Variants in ZNF678 observed in about 807,000 individuals in gnomAD.
ZNF678 encodes the protein hypothetical protein MGC42493.
Under a neutral mutation model 3.0 loss-of-function variants are expected in ZNF678, and 5 were observed. The ratio of observed to expected loss-of-function variants is 1.69; its 90% CI spans 0.88 to 3.56. The LOEUF is 3.56. ZNF678 is among the 30% of genes most tolerant of loss of function. The probability of loss-of-function intolerance (pLI) is 0.00; values close to 1 mark genes in which losing one functional copy is unlikely to be tolerated. For missense variants in ZNF678, 593 were observed against 605.0 expected (o/e 0.98, Z 0.21); for synonymous variants, 218 against 199.6 (o/e 1.09, Z -0.78).
At chr1:227,629,842 G>A (rs1331662067) in intron 1 of ZNF678, among the ~76,000 whole-genome samples, 3 of 152,012 alleles carry the variant, frequency 2.0e-5, no homozygotes, top group South Asian at 2.1e-4. Flanking sequence ...CTTGCAGACC[G>A]CACTGGAAGC....
At position 227,589,792 on chromosome 1, in the gene ZNF678, G is replaced by T. The variant is rs61824914; in HGVS notation, c.-164+26068G>T. 2.0e-5 allele frequency among the ~76,000 whole-genome samples: 3 copies of T among 151,656 alleles called. 1 individual carries two copies. The highest frequency in any genetic ancestry group is 7.3e-5 in the African/African-American group (3 of 41,138). On this transcript the variant is annotated intron_variant, in intron 1 of 3. Coordinates refer to ENST00000343776, the MANE Select transcript of ZNF678 (RefSeq NM_001367909.1). Reference sequence around the variant, plus strand: ...TCAGGGGTCGATCTTTAACTATCACGCCCAGAGCACGGGGCCGGGCTTTCT... The same window carrying T: ...TCAGGGGTCGATCTTTAACTATCACTCCCAGAGCACGGGGCCGGGCTTTCT...
At chr1:227,648,522 A>G (rs567913910) in intron 2 of ZNF678, among the ~76,000 whole-genome samples, 11 of 152,336 alleles carry the variant, frequency 7.2e-5, no homozygotes, top group Non-Finnish European at 1.2e-4. Context: ...AAAATTACAC[A>G]TTCGATCTTT....
downstream of ZNF678, among the ~76,000 whole-genome samples, chr1:227,663,285 C>T (rs183916025): frequency 5.3e-5 from 8 of 152,296 alleles, no homozygotes; most frequent in Admixed American, 2.6e-4. Flanking sequence ...CAATATGTTT[C>T]CTGCAGCACG....
intron 1 of ZNF678, among the ~76,000 whole-genome samples, chr1:227,631,801 G>T (rs1490766269): frequency 6.6e-6 from 1 of 152,178 alleles, no homozygotes; most frequent in African/African-American, 2.4e-5. Context: ...CCTTCCAGTG[G>T]TATTGACTTA....
chr1:227,593,866 CCTTTT>C (rs1558136390), intron 1 of ZNF678, among the ~76,000 whole-genome samples: 2 of 85,706 alleles, frequency 2.3e-5, no homozygotes, highest in African/African-American at 6.0e-5. Flanking sequence ...CCCCCCCCCC[CCTTTT>C]TTTTTTTTTT....
At chr1:227,628,723 A>C (rs925386694) in intron 1 of ZNF678, among the ~76,000 whole-genome samples, 1 of 152,238 alleles carries the variant, frequency 6.6e-6, no homozygotes, top group African/African-American at 2.4e-5. Context: ...GCTTGATGGC[A>C]CAAGGTTTCT....
intron 1 of ZNF678, among the ~76,000 whole-genome samples, chr1:227,608,001 A>G (rs1269093240): frequency 6.6e-6 from 1 of 151,776 alleles, no homozygotes; most frequent in Non-Finnish European, 1.5e-5. Context: ...AGATAGACAC[A>G]TGAACAACAA....
intron 1 of ZNF678, among the ~76,000 whole-genome samples, chr1:227,622,976 C>G (rs2102771962): frequency 6.6e-6 from 1 of 152,300 alleles, no homozygotes; most frequent in East Asian, 1.9e-4. Context: ...AGGCTTGGCT[C>G]AGGTATGGTT....
At chr1:227,667,735 C>T (rs1659527467) in intron 5 of ZNF678, among the ~76,000 whole-genome samples, 1 of 152,146 alleles carries the variant, frequency 6.6e-6, no homozygotes, top group Admixed American at 6.5e-5. Flanking sequence ...TTAATGTAGT[C>T]AGAGAAGTTT....
intron 1 of ZNF678, among the ~76,000 whole-genome samples, chr1:227,604,838 C>A (rs2999745): frequency 2.6e-5 from 4 of 151,938 alleles, no homozygotes; most frequent in Non-Finnish European, 1.5e-5. Flanking sequence ...TTATTACCTT[C>A]TTTTTCAGTT....
Position 227,590,009 on chromosome 1 carries a change from T to C in ZNF678, c.-164+26285T>C, listed in dbSNP as rs1425123245. On this transcript the variant is annotated intron_variant, in intron 1 of 3. Coordinates refer to ENST00000343776, the MANE Select transcript of ZNF678 (RefSeq NM_001367909.1). ...TCTCCCTGCATGACAGATAGTGATTTATTGTAATACACTTCTGCTGAAGCA... is the reference window on the plus strand; with the variant it reads ...TCTCCCTGCATGACAGATAGTGATTCATTGTAATACACTTCTGCTGAAGCA... 4.6e-5 allele frequency among the ~76,000 whole-genome samples: 7 copies of C among 151,862 alleles called. 1 individual carries two copies. The highest frequency in any genetic ancestry group is 4.6e-4 in the Admixed American group (7 of 15,234).
intron 1 of ZNF678, among the ~76,000 whole-genome samples, chr1:227,565,175 C>T (rs1365979267): frequency 6.6e-6 from 1 of 150,376 alleles, no homozygotes; most frequent in Non-Finnish European, 1.5e-5. Context: ...AAGCGATTCT[C>T]CTGCCTCAGC....
intron 2 of ZNF678, among the ~76,000 whole-genome samples, chr1:227,647,989 A>T (rs2102798415): frequency 6.6e-6 from 1 of 152,332 alleles, no homozygotes; most frequent in Admixed American, 6.5e-5. Context: ...GAGGTTTCAA[A>T]TGTGATTTTA....
intron 1 of ZNF678, among the ~76,000 whole-genome samples, chr1:227,576,580 G>C (rs1392962203): frequency 6.6e-6 from 1 of 152,208 alleles, no homozygotes; most frequent in Non-Finnish European, 1.5e-5. Flanking sequence ...TGTGGCATCA[G>C]TGGTAATATC....
intron 1 of ZNF678, among the ~76,000 whole-genome samples, chr1:227,567,823 AGG>A (rs1656733926): frequency 6.6e-6 from 1 of 151,924 alleles, no homozygotes; most frequent in Non-Finnish European, 1.5e-5. Flanking sequence ...CACAATGTGC[AGG>A]TTAGTTACAT....
At chr1:227,634,349 G>A (rs2102784120) in intron 1 of ZNF678, among the ~76,000 whole-genome samples, 1 of 152,248 alleles carries the variant, frequency 6.6e-6, no homozygotes, top group East Asian at 1.9e-4. Flanking sequence ...CAGAGGAAAA[G>A]GTAAAGAGGG....
chr1:227,612,088 C>T (rs1371979782), intron 1 of ZNF678, among the ~76,000 whole-genome samples: 1 of 152,182 alleles, frequency 6.6e-6, no homozygotes, highest in African/African-American at 2.4e-5. Flanking sequence ...AGCTATTGCA[C>T]TGCTGCAGCA....
At chr1:227,580,469 G>A (rs1244607594) in intron 1 of ZNF678, among the ~76,000 whole-genome samples, 1 of 152,110 alleles carries the variant, frequency 6.6e-6, no homozygotes. Context: ...AGCTGTTAAT[G>A]TCCTGATACA....
chr1:227,664,697 G>A (rs755728724), downstream of ZNF678, among the ~76,000 whole-genome samples: 19 of 151,856 alleles, frequency 1.3e-4, no homozygotes, highest in Non-Finnish European at 2.8e-4. Context: ...TGACTACTGG[G>A]GCTGTCTCTA....
Sources: allele counts gnomAD v4.1 joint callset (sites outside exome capture counted in the v4.1 genomes callset), GRCh38; gene constraint gnomAD v4.1.1; transcripts MANE v1.5; gene names NCBI Gene and HGNC (gene_info 2026-07-23, HGNC 2026-07-21).